The following MYO1B variants were observed in gnomAD, a reference collection of about 807,000 sequenced individuals.
MYO1B encodes the protein unconventional myosin-Ib.
Under a neutral mutation model 159.7 loss-of-function variants are expected in MYO1B, and 72 were observed. The observed-to-expected ratio is 0.45, with a 90% CI of 0.37 to 0.55. MYO1B has a LOEUF of 0.55. Ranked by LOEUF, MYO1B falls within the 20% of genes least tolerant of loss-of-function variation. MYO1B has a pLI of 0.00. For synonymous variants in MYO1B, 468 were observed against 473.8 expected, an observed-to-expected ratio of 0.99 and a Z score of 0.16; for missense variants, 1,062 against 1,364.8, an observed-to-expected ratio of 0.78 and a Z score of 3.50.
At chr2:191,311,413 T>C (rs1424997238) in intron 3 of MYO1B, among the ~76,000 whole-genome samples, 1 of 151,990 alleles carries the variant, frequency 6.6e-6, no homozygotes, top group African/African-American at 2.4e-5. Flanking sequence ...GACCGGAGGG[T>C]TTCATTTTTA....
chr2:191,302,025 T>G (rs1195264936), intron 3 of MYO1B, among the ~76,000 whole-genome samples: 2 of 152,212 alleles, frequency 1.3e-5, no homozygotes, highest in Non-Finnish European at 2.9e-5. Flanking sequence ...CTACTCTCCT[T>G]TGTGGAATCT....
At chr2:191,404,584 G>C (rs1485459852) in intron 24 of MYO1B, among the ~76,000 whole-genome samples, 1 of 152,170 alleles carries the variant, frequency 6.6e-6, no homozygotes, top group Non-Finnish European at 1.5e-5. Flanking sequence ...ACTAGAATAT[G>C]AATACAGGCA....
intron 23 of MYO1B, 93 bp downstream of exon 23, chr2:191,400,928 A>G: frequency 8.3e-7 from 1 of 1,209,344 alleles, no homozygotes; most frequent in Non-Finnish European, 1.2e-6. Context: ...GACTACAATT[A>G]ATAGTGGCTC....
intron 2 of MYO1B, among the ~76,000 whole-genome samples, chr2:191,288,243 TAAA>T (rs5837228): frequency 1.6e-4 from 23 of 145,182 alleles, no homozygotes; most frequent in Admixed American, 2.7e-4. Context: ...TAGCTTAGCT[TAAA>T]AAAAAAAAAA....
chr2:191,359,366 A>G (rs6734404), intron 7 of MYO1B, among the ~76,000 whole-genome samples: 3,203 of 122,900 alleles, frequency 0.026, 110 homozygotes, highest in African/African-American at 0.088. Flanking sequence ...TTTTCCATCT[A>G]TGATTTGAGG....
intron 3 of MYO1B, among the ~76,000 whole-genome samples, chr2:191,305,994 C>G (rs953162262): frequency 2.0e-5 from 3 of 151,960 alleles, no homozygotes; most frequent in African/African-American, 7.3e-5. Flanking sequence ...ACTAGTGTAC[C>G]TACTGGGGAC....
chr2:191,359,558 C>T (rs1693530732), intron 7 of MYO1B, among the ~76,000 whole-genome samples: 1 of 152,120 alleles, frequency 6.6e-6, no homozygotes, highest in African/African-American at 2.4e-5. Flanking sequence ...GCTAGGACTT[C>T]TCATTCATCA....
intron 1 of MYO1B, among the ~76,000 whole-genome samples, chr2:191,262,247 T>A (rs1686858622): frequency 6.6e-6 from 1 of 152,068 alleles, no homozygotes; most frequent in Admixed American, 6.5e-5. Context: ...GCAGACACAA[T>A]CCCACAGGAG....
intron 7 of MYO1B, among the ~76,000 whole-genome samples, chr2:191,350,827 AC>A (rs1559191398): frequency 6.6e-6 from 1 of 150,788 alleles, no homozygotes; most frequent in Non-Finnish European, 1.5e-5. Flanking sequence ...AACAAAAAAA[AC>A]ACAATCAGAT....
chr2:191,330,700 T>C (rs1691414653), intron 4 of MYO1B, among the ~76,000 whole-genome samples: 1 of 152,202 alleles, frequency 6.6e-6, no homozygotes, highest in Admixed American at 6.5e-5. Context: ...CGTTTAAAGC[T>C]GCTGTTATCA....
chr2:191,386,220 A>C (rs1055522744), intron 16 of MYO1B, 136 bp downstream of exon 16: 3 of 729,864 alleles, frequency 4.1e-6, no homozygotes, highest in Non-Finnish European at 6.8e-6. Flanking sequence ...GAATCGATAA[A>C]TGTTCAATAG....
chr2:191,411,710 C>T lies in MYO1B; in HGVS notation c.2873+538C>T, dbSNP rs191832125. Reference sequence around the variant, plus strand: ...TATGACTTCTGTGGCCTGTACAGCACGTTCAGTTCCTTTATTTTAGACACC... The same window carrying T: ...TATGACTTCTGTGGCCTGTACAGCATGTTCAGTTCCTTTATTTTAGACACC... On this transcript the variant is annotated intron_variant, in intron 27 of 30. Transcript: ENST00000392318. Among the ~76,000 whole-genome samples, 26 of 152,258 alleles carry T rather than the reference C, an allele frequency of 1.7e-4. No individual in the cohort carries two copies. In the Middle Eastern group the frequency reaches 0.01, roughly 60 times the overall value.
chr2:191,364,459 G>A (rs922926607), intron 11 of MYO1B, among the ~76,000 whole-genome samples, 183 bp downstream of exon 11: 3 of 152,192 alleles, frequency 2.0e-5, no homozygotes, highest in African/African-American at 4.8e-5. Context: ...TAAAATTCTG[G>A]TAGAGGGAAT....
rs1474121485 is a variant in MYO1B at position 191,414,500 on chromosome 2, T to C, written c.3007-17T>C. 1.9e-6 allele frequency: 3 copies of C among 1,590,514 alleles called. 1 individual carries two copies. In the South Asian group the frequency reaches 3.5e-5, roughly 18 times the overall value. On this transcript the variant is annotated splice_polypyrimidine_tract_variant and intron_variant, in intron 28 of 30. Transcript: ENST00000392318. ...TTTGTGATCATTGGTTTTATACTAT[T>C]TTTTATTTTGATTTAGAGTACATCT...
chr2:191,369,951 G>A (rs528068217), intron 12 of MYO1B, among the ~76,000 whole-genome samples: 3 of 152,052 alleles, frequency 2.0e-5, no homozygotes, highest in African/African-American at 7.2e-5. Context: ...TACTTCACTA[G>A]GTCATGATCT....
At chr2:191,298,296 C>G (rs1369013962) in intron 3 of MYO1B, among the ~76,000 whole-genome samples, 1 of 152,166 alleles carries the variant, frequency 6.6e-6, no homozygotes. Flanking sequence ...TGCAAGTGTT[C>G]TTGTTTCATT....
chr2:191,386,727 A>C (rs1455419071), intron 16 of MYO1B, among the ~76,000 whole-genome samples: 3 of 152,168 alleles, frequency 2.0e-5, no homozygotes, highest in African/African-American at 7.2e-5. Context: ...TACCTGAATT[A>C]CCTTTAATTT....
chr2:191,415,188 A>G (rs1697485081), intron 29 of MYO1B, among the ~76,000 whole-genome samples: 1 of 152,148 alleles, frequency 6.6e-6, no homozygotes, highest in South Asian at 2.1e-4. Flanking sequence ...ACTTTTTCTC[A>G]TCTTTAAAAT....
At chr2:191,362,122 G>A (rs1693708004) in intron 8 of MYO1B, 146 bp from the exon 9 acceptor site, 1 of 596,752 alleles carries the variant, frequency 1.7e-6, no homozygotes, top group South Asian at 2.3e-5. Flanking sequence ...TGCTGTTACT[G>A]ATATTTGGGT....
Sources: gnomAD v4.1 joint callset for allele counts (sites outside exome capture counted in the v4.1 genomes callset) on GRCh38, gnomAD v4.1.1 for gene constraint, MANE v1.5 for transcripts, NCBI Gene and HGNC (gene_info 2026-07-23, HGNC 2026-07-21) for gene names.